The following DNAJC12 variants were observed in gnomAD, a reference collection of about 807,000 sequenced individuals.
DNAJC12 encodes dnaJ homolog subfamily C member 12.
DNAJC12 carries 25 observed loss-of-function variants against 28.5 expected under a neutral mutation model. The ratio of observed to expected loss-of-function variants is 0.88; its 90% CI spans 0.64 to 1.22. The LOEUF is 1.22. Among genes scored for constraint, DNAJC12 ranks in the 50% most tolerant of loss-of-function variants. The pLI is 0.00. For synonymous variants in DNAJC12, 77 were observed against 80.6 expected (o/e 0.95, Z 0.24); for missense variants, 222 against 231.7 (o/e 0.96, Z 0.27).
chr10:67,822,723 C>T (rs1315230210), intron 2 of DNAJC12, among the ~76,000 whole-genome samples: 4 of 152,084 alleles, frequency 2.6e-5, no homozygotes, highest in Non-Finnish European at 5.9e-5. Context: ...CCTAGCCGGG[C>T]ACACGCCTAT....
At chr10:67,832,216 G>T (rs1842101187) in intron 1 of DNAJC12, among the ~76,000 whole-genome samples, 1 of 146,708 alleles carries the variant, frequency 6.8e-6, no homozygotes, top group Non-Finnish European at 1.5e-5. Flanking sequence ...AGTGAGCCCA[G>T]ATTGCGTCAT....
intron 1 of DNAJC12, among the ~76,000 whole-genome samples, chr10:67,833,026 G>A (rs1483843240): frequency 1.3e-5 from 2 of 152,150 alleles, no homozygotes; most frequent in South Asian, 4.1e-4. Context: ...ACAAAATACT[G>A]ACAGTAGTCT....
chr10:67,802,838 C>CGTGTGTGTGT (rs71006167), intron 4 of DNAJC12, among the ~76,000 whole-genome samples: 4 of 143,030 alleles, frequency 2.8e-5, no homozygotes, highest in African/African-American at 1.0e-4. Flanking sequence ...AGTTATTGTG[C>CGTGTGTGTGT]GTGTGTGTGT....
intron 2 of DNAJC12, 24 bp from the exon 3 acceptor site, chr10:67,811,687 G>A: frequency 6.2e-7 from 1 of 1,606,440 alleles, no homozygotes; most frequent in Non-Finnish European, 8.5e-7. Flanking sequence ...CAAGAAATGA[G>A]CACTTCTCTC....
rs757864026 is a variant in DNAJC12, at chr10:67,805,716, C to G, written c.369G>C (p.Lys123Asn). Residue 123 changes from lysine to asparagine, a missense_variant, in exon 4 of 5, where the codon AAG becomes AAC. By Grantham distance (94) the Lys-to-Asn change is moderately conservative (BLOSUM62 0). Coordinates refer to ENST00000225171, the MANE Select transcript of DNAJC12 (RefSeq NM_021800.3). ...LEESDKTHTT[K>N]MENEECNEQR... is the part of the protein sequence containing the mutation. ...GCTCATTACATTCCTCATTTTCCAT[C>G]TTGGTGGTATGAGTCTTGTCAGATT... 28 of 1,613,190 alleles carry G rather than the reference C, an allele frequency of 1.7e-5. No individual in the cohort carries two copies. The highest frequency in any genetic ancestry group is 2.2e-5 in the Non-Finnish European group (26 of 1,179,834).
chr10:67,828,990 G>A (rs1420150829), intron 1 of DNAJC12, among the ~76,000 whole-genome samples: 2 of 152,068 alleles, frequency 1.3e-5, no homozygotes, highest in Non-Finnish European at 2.9e-5. Flanking sequence ...AAATAAGACA[G>A]CTCGGGCGCA....
At chr10:67,835,924 G>A (rs1842138621) in intron 1 of DNAJC12, among the ~76,000 whole-genome samples, 1 of 152,062 alleles carries the variant, frequency 6.6e-6, no homozygotes, top group African/African-American at 2.4e-5. Context: ...CATTAACAAC[G>A]AGATTATTTT....
chr10:67,827,316 G>A (rs1842046596), intron 1 of DNAJC12, among the ~76,000 whole-genome samples: 1 of 151,794 alleles, frequency 6.6e-6, no homozygotes, highest in Non-Finnish European at 1.5e-5. Context: ...GAGCCCAGGA[G>A]GTGGAGGTTG....
chr10:67,831,856 T>C (rs1842096808), intron 1 of DNAJC12, among the ~76,000 whole-genome samples: 1 of 152,216 alleles, frequency 6.6e-6, no homozygotes, highest in Non-Finnish European at 1.5e-5. Flanking sequence ...TGACAGATGT[T>C]CTTCAAGTAA....
At chr10:67,819,059 A>T (rs960553011) in intron 2 of DNAJC12, among the ~76,000 whole-genome samples, 1 of 151,770 alleles carries the variant, frequency 6.6e-6, no homozygotes, top group Non-Finnish European at 1.5e-5. Flanking sequence ...AGGGGTCGGG[A>T]GCGGTGGCTC....
intron 4 of DNAJC12, among the ~76,000 whole-genome samples, chr10:67,799,714 C>T (rs187762709): frequency 6.6e-6 from 1 of 152,052 alleles, no homozygotes; most frequent in Admixed American, 6.5e-5. Context: ...GAAACCCCGT[C>T]TCTACTAAAA....
chr10:67,799,288 C>G (rs1841713945), intron 4 of DNAJC12, among the ~76,000 whole-genome samples: 1 of 151,924 alleles, frequency 6.6e-6, no homozygotes, highest in Admixed American at 6.6e-5. Context: ...CTCAGAAAAA[C>G]AGATTACACT....
chr10:67,797,585 C>A lies in DNAJC12; in HGVS notation c.503-375G>T, dbSNP rs4237314. Reference sequence around the variant, plus strand: ...AAAAGGATCGCTTGAAATACAAGTACTATAATTGAATTCCATGGTAATAAG... The same window carrying A: ...AAAAGGATCGCTTGAAATACAAGTAATATAATTGAATTCCATGGTAATAAG... On this transcript the variant is annotated intron_variant, in intron 4 of 4. Transcript: ENST00000225171. Among the ~76,000 whole-genome samples the A allele has an allele frequency of 0.032, 4,830 of 152,086 alleles. 504 individuals are homozygous for A. The East Asian group carries it at 0.39, about 12-fold the overall frequency.
chr10:67,831,862 A>G (rs190132491), intron 1 of DNAJC12, among the ~76,000 whole-genome samples: 27 of 152,356 alleles, frequency 1.8e-4, no homozygotes, highest in African/African-American at 5.3e-4. Flanking sequence ...ATGTTCTTCA[A>G]GTAACATAAC....
At chr10:67,818,703 C>T (rs1841939893) in intron 2 of DNAJC12, among the ~76,000 whole-genome samples, 1 of 151,850 alleles carries the variant, frequency 6.6e-6, no homozygotes, top group Non-Finnish European at 1.5e-5. Flanking sequence ...GCTACCCAGG[C>T]TGGAGTGCAG....
chr10:67,837,903 G>T (rs1254208946), intron 1 of DNAJC12, 31 bp downstream of exon 1: 2 of 1,464,680 alleles, frequency 1.4e-6, no homozygotes, highest in Non-Finnish European at 1.9e-6. Context: ...AAAGAATACT[G>T]TTGTGATAAA....
intron 4 of DNAJC12, among the ~76,000 whole-genome samples, chr10:67,797,983 T>G (rs7086146): frequency 0.095 from 14,073 of 148,288 alleles, 1,354 homozygotes; most frequent in African/African-American, 0.25. Flanking sequence ...GAGGTTGCAG[T>G]GAGCCGAGAT....
chr10:67,832,888 T>A (rs1174581762), intron 1 of DNAJC12, among the ~76,000 whole-genome samples: 1 of 152,074 alleles, frequency 6.6e-6, no homozygotes, highest in Non-Finnish European at 1.5e-5. Context: ...ATAAAGCACA[T>A]CCATTTCATG....
At chr10:67,803,069 G>A (rs557403247) in intron 4 of DNAJC12, among the ~76,000 whole-genome samples, 1 of 151,684 alleles carries the variant, frequency 6.6e-6, no homozygotes, top group Non-Finnish European at 1.5e-5. Flanking sequence ...CAAACTCCCG[G>A]CCTCAAGCAA....
Sources: gnomAD v4.1 joint callset for allele counts (sites outside exome capture counted in the v4.1 genomes callset) on GRCh38, gnomAD v4.1.1 for gene constraint, MANE v1.5 for transcripts, NCBI Gene and HGNC (gene_info 2026-07-23, HGNC 2026-07-21) for gene names.